Variants in NEDD4L observed in about 807,000 individuals in gnomAD.
The protein encoded by NEDD4L is NEDD4 like E3 ubiquitin protein ligase, also known as E3 ubiquitin-protein ligase NEDD4-like.
A neutral mutation model predicts 148.9 loss-of-function variants in NEDD4L; 54 were observed. The observed-to-expected ratio is 0.36, with a 90% CI of 0.29 to 0.45. NEDD4L has a LOEUF of 0.45. Among genes scored for constraint, NEDD4L ranks in the 20% least tolerant of loss-of-function variants. The pLI, the probability that NEDD4L is intolerant of heterozygous loss-of-function variation, is 1.00. For synonymous variants in NEDD4L, 433 were observed against 440.7 expected, an observed-to-expected ratio of 0.98 and a Z score of 0.22; for missense variants, 856 against 1,233.8, an observed-to-expected ratio of 0.69 and a Z score of 4.59.
chr18:58,056,577 T>C (rs1391679437), intron 1 of NEDD4L, among the ~76,000 whole-genome samples: 1 of 152,092 alleles, frequency 6.6e-6, no homozygotes, highest in Admixed American at 6.6e-5. Context: ...AGCTATGCCT[T>C]TTTTTATTTT....
intron 2 of NEDD4L, among the ~76,000 whole-genome samples, chr18:58,173,820 TC>T (rs1360070723): frequency 6.6e-6 from 1 of 152,214 alleles, no homozygotes; most frequent in Non-Finnish European, 1.5e-5. Flanking sequence ...TATCTGAACT[TC>T]CCCAGCTGAC....
intron 24 of NEDD4L, among the ~76,000 whole-genome samples, chr18:58,376,248 C>T (rs921110268): frequency 4.6e-5 from 7 of 152,110 alleles, no homozygotes; most frequent in South Asian, 4.1e-4. Context: ...TTCTGATGAT[C>T]GTTCAGGCCA....
Position 58,384,189 on chromosome 18 carries a change from T to C in NEDD4L, c.2426+870T>C, listed in dbSNP as rs564823800. ...CAGCTCTTGCATTGACTGTGGGTCT[T>C]AGCACCTTTCAGTGTGATCTGCAAA... On this transcript the variant is annotated intron_variant, in intron 25 of 30. Coordinates refer to ENST00000400345, the MANE Select transcript of NEDD4L (RefSeq NM_001144967.3). Among the ~76,000 whole-genome samples the C allele has an allele frequency of 4.6e-5, 7 of 152,346 alleles. No individual in the cohort carries two copies. In the East Asian group the frequency reaches 1.3e-3, roughly 29 times the overall value.
At chr18:58,341,284 C>A in intron 14 of NEDD4L, 115 bp downstream of exon 14, 1 of 1,221,298 alleles carries the variant, frequency 8.2e-7, no homozygotes, top group Admixed American at 2.8e-5. Flanking sequence ...TTTGTAAAAG[C>A]TTTCTCACAA....
chr18:58,303,068 C>G (rs1039872158), intron 5 of NEDD4L, among the ~76,000 whole-genome samples: 6 of 152,214 alleles, frequency 3.9e-5, no homozygotes, highest in Non-Finnish European at 7.3e-5. Flanking sequence ...CAGCCCTGCT[C>G]CTGGGGCCTT....
intron 2 of NEDD4L, 117 bp downstream of exon 2, chr18:58,165,978 C>T (rs1228577153): frequency 1.1e-5 from 9 of 792,644 alleles, no homozygotes; most frequent in Non-Finnish European, 1.4e-5. Context: ...TGGCTGGGCC[C>T]CACCTGCAGG....
At chr18:58,152,824 A>C (rs1220921215) in intron 1 of NEDD4L, among the ~76,000 whole-genome samples, 1 of 152,226 alleles carries the variant, frequency 6.6e-6, no homozygotes, top group Non-Finnish European at 1.5e-5. Context: ...GCCCTGTGCC[A>C]GTCCTGTGGC....
chr18:58,183,022 C>T (rs1052085797), intron 2 of NEDD4L, among the ~76,000 whole-genome samples: 1 of 152,198 alleles, frequency 6.6e-6, no homozygotes, highest in Non-Finnish European at 1.5e-5. Flanking sequence ...ACCACATCTT[C>T]CCATAAGAAT....
At chr18:58,045,794 TC>T (rs1415950434) in intron 1 of NEDD4L, 3 of 152,248 alleles carry the variant, frequency 2.0e-5, no homozygotes, top group Admixed American at 2.0e-4. Context: ...GGGAGGTATT[TC>T]CTATCCTGGT....
chr18:58,374,771 C>T (rs2047341547), intron 24 of NEDD4L, among the ~76,000 whole-genome samples: 1 of 152,160 alleles, frequency 6.6e-6, no homozygotes, highest in Non-Finnish European at 1.5e-5. Flanking sequence ...CCTGGAAGTG[C>T]ATGCTCCTCT....
chr18:58,111,654 A>T (rs1197633355), intron 1 of NEDD4L, among the ~76,000 whole-genome samples: 2 of 152,156 alleles, frequency 1.3e-5, no homozygotes, highest in Admixed American at 6.5e-5. Flanking sequence ...GTTGTATGGG[A>T]TACATTGTGT....
chr18:58,294,169 C>T (rs1035356212), intron 5 of NEDD4L, among the ~76,000 whole-genome samples: 1 of 152,232 alleles, frequency 6.6e-6, no homozygotes, highest in Non-Finnish European at 1.5e-5. Context: ...ACACATCACA[C>T]TTTCTGCTTG....
rs539908036 is a variant in NEDD4L at position 58,276,142 on chromosome 18, C to T, written c.297+24088C>T. Among the ~76,000 whole-genome samples, 5 of 149,170 alleles carry T rather than the reference C, an allele frequency of 3.4e-5. No individual in the cohort carries two copies. In the East Asian group the frequency reaches 7.8e-4, roughly 23 times the overall value. ...ATTTGCAGTTTTTAAAACAACCTAACGGAGTATAGTAAATACATAAAGTAC... is the reference window on the plus strand; with the variant it reads ...ATTTGCAGTTTTTAAAACAACCTAATGGAGTATAGTAAATACATAAAGTAC... On this transcript the variant is annotated intron_variant, in intron 5 of 30. Coordinates refer to ENST00000400345, the MANE Select transcript of NEDD4L (RefSeq NM_001144967.3).
At chr18:58,083,398 A>T (rs1215799027) in intron 1 of NEDD4L, among the ~76,000 whole-genome samples, 2 of 152,148 alleles carry the variant, frequency 1.3e-5, no homozygotes, top group Non-Finnish European at 2.9e-5. Context: ...AAACAGAAAC[A>T]AACCAGGGGC....
intron 2 of NEDD4L, among the ~76,000 whole-genome samples, chr18:58,203,500 G>T (rs1318026661): frequency 6.6e-6 from 1 of 152,164 alleles, no homozygotes; most frequent in Non-Finnish European, 1.5e-5. Flanking sequence ...TCTAGATTCA[G>T]TGATGAGAGC....
At chr18:58,106,386 G>T (rs1343786670) in intron 1 of NEDD4L, among the ~76,000 whole-genome samples, 1 of 152,202 alleles carries the variant, frequency 6.6e-6, no homozygotes, top group East Asian at 1.9e-4. Context: ...CTGTGGGAAG[G>T]TACCGAAAAA....
At chr18:58,289,459 T>G (rs2054396827) in intron 5 of NEDD4L, among the ~76,000 whole-genome samples, 1 of 152,232 alleles carries the variant, frequency 6.6e-6, no homozygotes, top group Non-Finnish European at 1.5e-5. Context: ...TTCCGTGTAT[T>G]GACTTTTTAA....
chr18:58,160,353 TTGA>T (rs1401496305), intron 1 of NEDD4L, among the ~76,000 whole-genome samples: 8 of 152,202 alleles, frequency 5.3e-5, no homozygotes, highest in Non-Finnish European at 1.2e-4. Context: ...GTTTTATGTC[TTGA>T]TGAAGAAGTA....
chr18:58,077,044 G>A (rs181543035), intron 1 of NEDD4L, among the ~76,000 whole-genome samples: 3 of 150,976 alleles, frequency 2.0e-5, no homozygotes, highest in African/African-American at 7.3e-5. Context: ...TAGAGATGGG[G>A]TTTTGCTAAC....
Sources: gnomAD v4.1 joint callset for allele counts (sites outside exome capture counted in the v4.1 genomes callset) on GRCh38, gnomAD v4.1.1 for gene constraint, MANE v1.5 for transcripts, NCBI Gene and HGNC (gene_info 2026-07-23, HGNC 2026-07-21) for gene names.